APP: variants seen among roughly 807,000 people sequenced by gnomAD.
APP encodes the protein amyloid-beta precursor protein.
APP carries 31 observed loss-of-function variants against 101.4 expected under a neutral mutation model. The observed-to-expected ratio is 0.31, with a 90% CI of 0.23 to 0.41. The LOEUF (loss-of-function observed/expected upper bound fraction) is 0.41, where lower values mean the gene tolerates loss of function less well. APP is among the 10% of genes least tolerant of loss of function. The pLI, the probability that APP is intolerant of heterozygous loss-of-function variation, is 1.00. For synonymous variants in APP, 366 were observed against 364.4 expected (o/e 1.00, Z -0.05); for missense variants, 839 against 1,003.7 (o/e 0.84, Z 2.22).
intron 13 of APP, among the ~76,000 whole-genome samples, chr21:25,923,602 T>A (rs1288075190): frequency 7.1e-6 from 1 of 140,888 alleles, no homozygotes; most frequent in Non-Finnish European, 1.5e-5. Flanking sequence ...AAAGAAGACA[T>A]TTATGCAGCC....
At chr21:25,981,661 A>G (rs1177968912) in intron 9 of APP, among the ~76,000 whole-genome samples, 2 of 150,290 alleles carry the variant, frequency 1.3e-5, no homozygotes, top group Non-Finnish European at 3.0e-5. Context: ...TTATTTTTTA[A>G]TTTGCTTAAT....
At chr21:26,061,720 T>C (rs1848326409) in intron 3 of APP, among the ~76,000 whole-genome samples, 2 of 152,192 alleles carry the variant, frequency 1.3e-5, no homozygotes, top group African/African-American at 4.8e-5. Context: ...TACCGGATAA[T>C]AGTGAGAACT....
chr21:25,961,871 G>A (rs542282557), intron 11 of APP, among the ~76,000 whole-genome samples: 2 of 151,828 alleles, frequency 1.3e-5, no homozygotes, highest in Admixed American at 1.3e-4. Context: ...AGTGGCTCAC[G>A]AAAAGGATAT....
At chr21:26,059,122 A>C (rs1209139181) in intron 3 of APP, among the ~76,000 whole-genome samples, 1 of 152,156 alleles carries the variant, frequency 6.6e-6, no homozygotes, top group East Asian at 1.9e-4. Flanking sequence ...TAAAAAAAAA[A>C]CAGACTGCTG....
intron 3 of APP, among the ~76,000 whole-genome samples, chr21:26,067,370 TG>T: frequency 6.6e-6 from 1 of 152,222 alleles, no homozygotes; most frequent in East Asian, 1.9e-4. Context: ...GGGTGGCTAG[TG>T]GCCACCGTTG....
At chr21:26,154,469 T>C (rs978752969) in intron 1 of APP, among the ~76,000 whole-genome samples, 2 of 152,204 alleles carry the variant, frequency 1.3e-5, no homozygotes, top group African/African-American at 4.8e-5. Context: ...CATATATGTA[T>C]AATACTAGTC....
rs1333311397 is a variant in APP at position 26,158,195 on chromosome 21, G to T, written c.57+12369C>A. On this transcript the variant is annotated intron_variant, in intron 1 of 17. Coordinates refer to ENST00000346798, the MANE Select transcript of APP (RefSeq NM_000484.4). ...ATGTTTCTACCATAAAAATGAGAAA[G>T]CATTTCCTACCTCCTCCTCTGTCAC... is the stretch of plus-strand genomic sequence containing the variant. 5.3e-5 allele frequency: 8 copies of T among 152,236 alleles called. No homozygotes were observed. The South Asian group carries it at 1.7e-3, about 32-fold the overall frequency. 9.4% of individuals were successfully genotyped at this position (152,236 alleles called of 1,614,324 possible).
chr21:25,900,302 C>T (rs749204665), intron 15 of APP, among the ~76,000 whole-genome samples: 1 of 135,792 alleles, frequency 7.4e-6, no homozygotes, highest in African/African-American at 2.7e-5. Context: ...GGAGGCCAAG[C>T]TGGGTGGATC....
intron 11 of APP, among the ~76,000 whole-genome samples, chr21:25,962,079 A>G (rs1243478158): frequency 2.6e-5 from 4 of 152,220 alleles, no homozygotes; most frequent in Non-Finnish European, 5.9e-5. Context: ...GATCTGTCCC[A>G]GGAGGACTAA....
chr21:26,043,245 T>C (rs2045455525), intron 5 of APP, among the ~76,000 whole-genome samples: 1 of 108,606 alleles, frequency 9.2e-6, no homozygotes, highest in South Asian at 3.1e-4. Flanking sequence ...TTTCTTTTCT[T>C]TTTTTTTTGA....
chr21:26,001,492 G>A (rs911340934), intron 6 of APP, among the ~76,000 whole-genome samples: 2 of 152,142 alleles, frequency 1.3e-5, no homozygotes, highest in Admixed American at 1.3e-4. Flanking sequence ...TTACTTCCAA[G>A]TTAGGAATAT....
chr21:25,924,838 G>C (rs929194144), intron 13 of APP, among the ~76,000 whole-genome samples: 1 of 150,164 alleles, frequency 6.7e-6, no homozygotes, highest in Non-Finnish European at 1.5e-5. Context: ...CCCTCGGCTT[G>C]CTGGATTTTC....
At chr21:25,988,916 A>G (rs1038047451) in intron 8 of APP, among the ~76,000 whole-genome samples, 3 of 152,108 alleles carry the variant, frequency 2.0e-5, no homozygotes, top group Non-Finnish European at 1.5e-5. Flanking sequence ...TTTCAATTTT[A>G]ATACTGATAC....
chr21:26,109,936 A>T (rs1232357097), intron 2 of APP, among the ~76,000 whole-genome samples: 1 of 152,260 alleles, frequency 6.6e-6, no homozygotes, highest in African/African-American at 2.4e-5. Flanking sequence ...CTGTATGCAT[A>T]TATCAAAAAA....
intron 3 of APP, among the ~76,000 whole-genome samples, chr21:26,077,978 T>C (rs2061529900): frequency 6.6e-6 from 1 of 152,232 alleles, no homozygotes; most frequent in African/African-American, 2.4e-5. Flanking sequence ...AAAATCTGAA[T>C]ATTTCCTAAC....
intron 3 of APP, among the ~76,000 whole-genome samples, chr21:26,078,015 G>C (rs1175627631): frequency 6.6e-6 from 1 of 151,994 alleles, no homozygotes; most frequent in African/African-American, 2.4e-5. Flanking sequence ...ATTAAAATAC[G>C]TCTTAATCCA....
At chr21:25,970,140 AT>A (rs1013986098) in intron 11 of APP, among the ~76,000 whole-genome samples, 1 of 151,234 alleles carries the variant, frequency 6.6e-6, no homozygotes, top group African/African-American at 2.4e-5. Flanking sequence ...CCAGTTTTTA[AT>A]TTTTTTTTCA....
intron 15 of APP, among the ~76,000 whole-genome samples, chr21:25,904,516 A>G (rs1490486580): frequency 1.3e-5 from 2 of 152,224 alleles, no homozygotes; most frequent in East Asian, 3.8e-4. Flanking sequence ...TGGGCTCTGG[A>G]AAGAAACCAA....
chr21:26,162,831 T>G (rs2063519242), intron 1 of APP, among the ~76,000 whole-genome samples: 1 of 144,438 alleles, frequency 6.9e-6, no homozygotes, highest in South Asian at 2.4e-4. Context: ...AGACAGTATG[T>G]GGCTTTCTGG....
Sources: allele counts gnomAD v4.1 joint callset (sites outside exome capture counted in the v4.1 genomes callset), GRCh38; gene constraint gnomAD v4.1.1; transcripts MANE v1.5; gene names NCBI Gene and HGNC (gene_info 2026-07-23, HGNC 2026-07-21).